Variants in ADAMTSL1 observed in about 807,000 individuals in gnomAD.
The protein encoded by ADAMTSL1 is ADAMTS-like protein 1.
ADAMTSL1 carries 126 observed loss-of-function variants against 201.8 expected under a neutral mutation model. The ratio of observed to expected loss-of-function variants is 0.62; its 90% CI spans 0.54 to 0.72. ADAMTSL1 has a LOEUF of 0.72. Ranked by LOEUF, ADAMTSL1 falls within the 30% of genes least tolerant of loss-of-function variation. ADAMTSL1 has a pLI of 0.00. For missense variants in ADAMTSL1, 2,679 were observed against 2,277.8 expected, an observed-to-expected ratio of 1.18 and a Z score of -3.59; for synonymous variants, 1,121 against 903.4, an observed-to-expected ratio of 1.24 and a Z score of -4.32.
Position 18,251,019 on chromosome 9 carries a change from G to A in ADAMTSL1, c.207+87038G>A, listed in dbSNP as rs1244638361. On this transcript the variant is annotated intron_variant, in intron 2 of 29. Transcript: ENST00000680146. Reference sequence around the variant, plus strand: ...AGCAGATCTCAATGAAGAAATAGAAGAGAATGTTAACAAAAAACAGAAACA... The same window carrying A: ...AGCAGATCTCAATGAAGAAATAGAAAAGAATGTTAACAAAAAACAGAAACA... 2.0e-5 allele frequency among the ~76,000 whole-genome samples: 3 copies of A among 151,888 alleles called. No homozygotes were observed. In the South Asian group the frequency reaches 6.2e-4, roughly 32 times the overall value.
intron 2 of ADAMTSL1, among the ~76,000 whole-genome samples, chr9:18,280,926 A>T (rs1363288274): frequency 8.7e-5 from 13 of 149,390 alleles, no homozygotes; most frequent in Admixed American, 6.7e-4. Flanking sequence ...CCCAGACTGA[A>T]GTGCGGTGGC....
At chr9:18,157,899 C>T (rs760345405) in intron 1 of ADAMTSL1, among the ~76,000 whole-genome samples, 13 of 151,982 alleles carry the variant, frequency 8.6e-5, no homozygotes, top group Non-Finnish European at 1.8e-4. Flanking sequence ...CTACTTCAAG[C>T]ATCTTTTTCT....
At chr9:17,978,546 TGATTGC>T (rs1431945332) in intron 1 of ADAMTSL1, among the ~76,000 whole-genome samples, 1 of 151,720 alleles carries the variant, frequency 6.6e-6, no homozygotes, top group East Asian at 1.9e-4. Context: ...AACTTAACTT[TGATTGC>T]TTATGAAAAC....
chr9:18,243,721 A>G (rs1004497831), intron 2 of ADAMTSL1, among the ~76,000 whole-genome samples: 3 of 151,896 alleles, frequency 2.0e-5, no homozygotes, highest in Non-Finnish European at 2.9e-5. Context: ...TTTCCAGTCA[A>G]GACTTTCAGT....
chr9:18,218,780 A>G (rs1038024076), intron 2 of ADAMTSL1, among the ~76,000 whole-genome samples: 6 of 151,974 alleles, frequency 3.9e-5, no homozygotes, highest in Non-Finnish European at 5.9e-5. Context: ...GAATTTGTCA[A>G]TCTTTGCATA....
chr9:18,730,749 T>A (rs923795830), intron 15 of ADAMTSL1, among the ~76,000 whole-genome samples: 3 of 152,192 alleles, frequency 2.0e-5, no homozygotes, highest in African/African-American at 7.2e-5. Flanking sequence ...CATGGGGAGT[T>A]ACTGTCCTTG....
At chr9:18,298,712 T>C (rs1833573398) in intron 2 of ADAMTSL1, among the ~76,000 whole-genome samples, 1 of 150,686 alleles carries the variant, frequency 6.6e-6, no homozygotes. Context: ...AGTTTTCTCC[T>C]GTAATTAGTG....
intron 2 of ADAMTSL1, among the ~76,000 whole-genome samples, chr9:18,444,416 G>T (rs999437490): frequency 1.3e-5 from 2 of 152,012 alleles, no homozygotes; most frequent in African/African-American, 4.8e-5. Flanking sequence ...TTTGAATTTA[G>T]GTCTTTCTGA....
chr9:18,169,500 C>G lies in ADAMTSL1; in HGVS notation c.207+5519C>G, dbSNP rs574607387. Among the ~76,000 whole-genome samples, 336 of 152,152 alleles carry G rather than the reference C, an allele frequency of 2.2e-3. 2 individuals are homozygous for G. Among genetic ancestry groups the G allele is most frequent in the African/African-American group, 7.2e-3 (298 of 41,496 alleles). On this transcript the variant is annotated intron_variant, in intron 2 of 29. Coordinates refer to the ADAMTSL1 transcript ENST00000680146. The stretch of plus-strand genomic sequence containing the variant: ...ATTGATCTATATCTCTGTTTTGGTA[C>G]CAGTACCATGCTGTTTTGGTTACTG...
chr9:18,514,130 G>T (rs1387195873), intron 2 of ADAMTSL1, among the ~76,000 whole-genome samples: 2 of 152,044 alleles, frequency 1.3e-5, no homozygotes, highest in Admixed American at 1.3e-4. Flanking sequence ...GAACATGGAA[G>T]GTTTTACCAT....
intron 2 of ADAMTSL1, among the ~76,000 whole-genome samples, chr9:18,461,547 A>T (rs1358779034): frequency 6.6e-6 from 1 of 152,186 alleles, no homozygotes; most frequent in Non-Finnish European, 1.5e-5. Flanking sequence ...GTAGACATAG[A>T]TTAATTTTTC....
intron 1 of ADAMTSL1, among the ~76,000 whole-genome samples, chr9:18,108,097 T>C (rs1824840572): frequency 6.6e-6 from 1 of 152,162 alleles, no homozygotes; most frequent in African/African-American, 2.4e-5. Context: ...TTGAAGAAGA[T>C]ATTCTTGGTG....
chr9:18,007,144 G>A (rs917659548), intron 1 of ADAMTSL1, among the ~76,000 whole-genome samples: 1 of 151,960 alleles, frequency 6.6e-6, no homozygotes, highest in African/African-American at 2.4e-5. Flanking sequence ...ATAAACAATA[G>A]AGTGTTGTTA....
At chr9:18,646,887 G>T (rs1174964535) in intron 7 of ADAMTSL1, among the ~76,000 whole-genome samples, 1 of 152,002 alleles carries the variant, frequency 6.6e-6, no homozygotes, top group East Asian at 1.9e-4. Context: ...TTGGTATCAG[G>T]ATGATGCAGG....
intron 20 of ADAMTSL1, among the ~76,000 whole-genome samples, chr9:18,811,394 G>C (rs751317159): frequency 6.6e-6 from 1 of 151,976 alleles, no homozygotes; most frequent in Non-Finnish European, 1.5e-5. Context: ...AGGTCTCCTG[G>C]AGAGTGAGGA....
intron 1 of ADAMTSL1, among the ~76,000 whole-genome samples, chr9:18,092,954 C>G (rs971379268): frequency 2.0e-5 from 3 of 152,098 alleles, no homozygotes; most frequent in African/African-American, 7.2e-5. Flanking sequence ...CTGAACAAGG[C>G]TGTTGACAGG....
chr9:18,479,753 A>G (rs2131799656), intron 1 of ADAMTSL1, among the ~76,000 whole-genome samples: 1 of 152,274 alleles, frequency 6.6e-6, no homozygotes, highest in South Asian at 2.1e-4. Context: ...TTTGATCTCA[A>G]TAAACGTGGG....
At chr9:18,188,455 C>G (rs1297645412) in intron 2 of ADAMTSL1, among the ~76,000 whole-genome samples, 3 of 152,076 alleles carry the variant, frequency 2.0e-5, no homozygotes, top group Non-Finnish European at 4.4e-5. Context: ...GAGACGCTAT[C>G]TGGGAACATA....
intron 2 of ADAMTSL1, among the ~76,000 whole-genome samples, chr9:18,274,166 G>T (rs1832494659): frequency 1.3e-5 from 2 of 152,208 alleles, no homozygotes; most frequent in Admixed American, 1.3e-4. Context: ...AGTTTAGTCT[G>T]ATTATTCCAG....
Sources: gnomAD v4.1 joint callset for allele counts (sites outside exome capture counted in the v4.1 genomes callset) on GRCh38, gnomAD v4.1.1 for gene constraint, MANE v1.5 for transcripts, NCBI Gene and HGNC (gene_info 2026-07-23, HGNC 2026-07-21) for gene names.